Variants in OLFML2A observed in about 807,000 individuals in gnomAD.
The protein encoded by OLFML2A is olfactomedin-like protein 2A.
A neutral mutation model predicts 60.9 loss-of-function variants in OLFML2A; 47 were observed. The ratio of observed to expected loss-of-function variants is 0.77; its 90% CI spans 0.61 to 0.98. OLFML2A has a LOEUF of 0.98. OLFML2A is among the 50% of genes least tolerant of loss of function. The probability of loss-of-function intolerance (pLI) is 0.00; values close to 1 mark genes in which losing one functional copy is unlikely to be tolerated. For missense variants in OLFML2A, 922 were observed against 879.8 expected (o/e 1.05, Z -0.61); for synonymous variants, 372 against 375.0 (o/e 0.99, Z 0.09).
At position 124,801,605 on chromosome 9, in the gene OLFML2A, G is replaced by A; in HGVS notation, c.861G>A (p.Val287=). 1 of 1,613,942 alleles carries A rather than the reference G, an allele frequency of 6.2e-7. No homozygotes were observed. The highest frequency in any genetic ancestry group is 8.5e-7 in the Non-Finnish European group (1 of 1,180,028). Residue 287 remains valine, a synonymous_variant, in exon 5 of 8, where the codon GTG becomes GTA. Transcript: ENST00000373580. ...GCGCCCTGGCCCAGCAGCAGGCTGT[G>A]ATCCGGGGCTTCACCTACTACAAGG... ...KPRALAQQQA[V]IRGFTYYKAG... is the part of the protein sequence containing the mutation.
chr9:124,808,498 A>G (rs1357432660), intron 7 of OLFML2A, among the ~76,000 whole-genome samples: 1 of 152,118 alleles, frequency 6.6e-6, no homozygotes, highest in African/African-American at 2.4e-5. Context: ...GGTCATTTAG[A>G]TCTAGCCTGC....
intron 2 of OLFML2A, among the ~76,000 whole-genome samples, chr9:124,790,229 G>A (rs773967565): frequency 1.3e-5 from 2 of 151,836 alleles, no homozygotes; most frequent in Non-Finnish European, 2.9e-5. Flanking sequence ...GTGCAATGGC[G>A]CGATCTCAGC....
At chr9:124,792,341 CTGTG>C (rs1435162410) in intron 2 of OLFML2A, among the ~76,000 whole-genome samples, 3 of 152,134 alleles carry the variant, frequency 2.0e-5, no homozygotes, top group Non-Finnish European at 4.4e-5. Flanking sequence ...ATCTAGGCTC[CTGTG>C]TGTCACTGTG....
chr9:124,799,586 T>G (rs1206707463), intron 4 of OLFML2A, 95 bp downstream of exon 4: 1 of 1,034,954 alleles, frequency 9.7e-7, no homozygotes, highest in African/African-American at 1.6e-5. Context: ...TCGATGGGGG[T>G]TTGGGGCTGT....
In OLFML2A at chr9:124,787,248, G is replaced by A. The variant is rs759468602; in HGVS notation, c.354+10G>A. On this transcript the variant is annotated intron_variant, in intron 2 of 7. Transcript: ENST00000373580. ...GCCCGAGCTCCTCAAGGTAGACTTG[G>A]TGGGGTGATGGAGGGAGTAAGGGCC... 6.2e-7 allele frequency: 1 copy of A among 1,612,326 alleles called. No individual in the cohort carries two copies. Among genetic ancestry groups the A allele is most frequent in the Non-Finnish European group, 8.5e-7 (1 of 1,178,558 alleles).
Position 124,807,957 on chromosome 9 carries a change from T to C in OLFML2A, c.1345T>C (p.Phe449Leu). The change falls in exon 7 of 8, where the codon TTC (phenylalanine) becomes CTC (leucine). Residue 449 changes from phenylalanine to leucine, a missense_variant. Coordinates refer to ENST00000373580, the MANE Select transcript of OLFML2A (RefSeq NM_182487.4). ...GGTGGAGTTCCGCAACCTGGAAAACTTCAAGCAAGGTCAGGGACCCCCGGA... is the reference window on the plus strand; with the variant it reads ...GGTGGAGTTCCGCAACCTGGAAAACCTCAAGCAAGGTCAGGGACCCCCGGA... ...SLVEFRNLEN[F>L]KQGRWSNMYK... The C allele has an allele frequency of 6.2e-7, 1 of 1,613,816 alleles. No homozygotes were observed. Among genetic ancestry groups the C allele is most frequent in the East Asian group, 2.2e-5 (1 of 44,876 alleles).
At chr9:124,780,346 A>G (rs1338291193) in intron 1 of OLFML2A, among the ~76,000 whole-genome samples, 1 of 152,164 alleles carries the variant, frequency 6.6e-6, no homozygotes, top group African/African-American at 2.4e-5. Context: ...CACTCCCTCC[A>G]GCATCAAGGG....
intron 1 of OLFML2A, among the ~76,000 whole-genome samples, chr9:124,784,555 A>G (rs1047750349): frequency 6.6e-6 from 1 of 152,236 alleles, no homozygotes; most frequent in African/African-American, 2.4e-5. Flanking sequence ...TAAGTGATCA[A>G]TAAAAGGTCT....
rs1841768710 is a variant in OLFML2A at position 124,801,218 on chromosome 9, G to A, written c.670-196G>A. 1.0e-5 allele frequency: 9 copies of A among 891,108 alleles called. No individual in the cohort carries two copies. In the South Asian group the frequency reaches 1.4e-4, roughly 14 times the overall value. 55.2% of individuals were successfully genotyped at this position (891,108 alleles called of 1,614,324 possible). On this transcript the variant is annotated intron_variant, in intron 4 of 7. Transcript: ENST00000373580. The stretch of plus-strand genomic sequence containing the variant: ...GCCTGCAAGGGAGCTAAAGAGCTGG[G>A]TGAGGAAACTGAGGCAAACCAGTCA...
chr9:124,802,561 T>A (rs1362329195), intron 5 of OLFML2A, among the ~76,000 whole-genome samples: 2 of 152,216 alleles, frequency 1.3e-5, no homozygotes, highest in Admixed American at 6.5e-5. Context: ...GGTCTGGACA[T>A]GGCACAGAGC....
chr9:124,778,742 A>G (rs554575915), intron 1 of OLFML2A, among the ~76,000 whole-genome samples: 2 of 152,126 alleles, frequency 1.3e-5, no homozygotes, highest in East Asian at 3.9e-4. Context: ...GGTTGCAGTC[A>G]GTGGAGATTG....
rs979737562 is a variant in OLFML2A, at chr9:124,779,819, C to T, written c.90+2459C>T. Among the ~76,000 whole-genome samples the T allele has an allele frequency of 5.9e-5, 9 of 152,244 alleles. No homozygotes were observed. Among genetic ancestry groups the T allele is most frequent in the African/African-American group, 1.2e-4 (5 of 41,466 alleles). On this transcript the variant is annotated intron_variant, in intron 1 of 7. Coordinates refer to ENST00000373580, the MANE Select transcript of OLFML2A (RefSeq NM_182487.4). This position sits in a 1 kb window ranked among gnomAD's most constrained non-coding sequence, Gnocchi z 4.1. ...GCTCCTTCCCCCATCACAACCCCGC[C>T]TTCCTCTCCAAGCCCATTCCGTTTT...
At chr9:124,799,563 C>T (rs1564286230) in intron 4 of OLFML2A, 72 bp downstream of exon 4, 4 of 1,285,960 alleles carry the variant, frequency 3.1e-6, no homozygotes, top group Non-Finnish European at 4.3e-6. Context: ...GGACGTTGGC[C>T]CTGTGGATCA....
At chr9:124,796,500 C>T (rs2131263451) in intron 3 of OLFML2A, among the ~76,000 whole-genome samples, 1 of 152,328 alleles carries the variant, frequency 6.6e-6, no homozygotes, top group Admixed American at 6.5e-5. Context: ...AGAAAAATGA[C>T]TTTTTAATTA....
At chr9:124,792,218 G>T (rs563299994) in intron 2 of OLFML2A, among the ~76,000 whole-genome samples, 1 of 152,166 alleles carries the variant, frequency 6.6e-6, no homozygotes, top group Admixed American at 6.5e-5. Context: ...CACTGCCTCT[G>T]TCCCCTGATC....
intron 2 of OLFML2A, among the ~76,000 whole-genome samples, chr9:124,789,660 C>A (rs538173979): frequency 2.6e-5 from 4 of 152,202 alleles, no homozygotes; most frequent in Admixed American, 2.6e-4. Flanking sequence ...TGCCTCTGCA[C>A]GCAAGTCATG....
intron 2 of OLFML2A, among the ~76,000 whole-genome samples, chr9:124,792,226 A>C (rs1303613016): frequency 6.6e-6 from 1 of 152,010 alleles, no homozygotes; most frequent in East Asian, 1.9e-4. Context: ...CTGTCCCCTG[A>C]TCTAGGCACA....
intron 5 of OLFML2A, among the ~76,000 whole-genome samples, chr9:124,803,635 A>G (rs937160950): frequency 6.6e-6 from 1 of 152,242 alleles, no homozygotes; most frequent in African/African-American, 2.4e-5. Context: ...GCAGAATAAT[A>G]GGAGAAGGCC....
At chr9:124,807,365 C>T (rs112201371) in intron 6 of OLFML2A, among the ~76,000 whole-genome samples, 6,758 of 147,398 alleles carry the variant, frequency 0.046, 236 homozygotes, top group East Asian at 0.16. Context: ...CTCACTGCAA[C>T]CTCCGCCTCC....
Sources: allele counts gnomAD v4.1 joint callset (sites outside exome capture counted in the v4.1 genomes callset), GRCh38; gene constraint gnomAD v4.1.1; non-coding constraint Gnocchi (gnomAD v3.1); transcripts MANE v1.5; gene names NCBI Gene and HGNC (gene_info 2026-07-23, HGNC 2026-07-21).